The following MYO3B variants were observed in gnomAD, a reference collection of about 807,000 sequenced individuals.
MYO3B encodes myosin-IIIb.
In MYO3B, 156 loss-of-function variants were observed where a neutral mutation model predicts 174.6. That is an observed-to-expected ratio of 0.89 (90% CI 0.78 to 1.02). The LOEUF is 1.02. Among genes scored for constraint, MYO3B ranks in the 50% least tolerant of loss-of-function variants. The probability of loss-of-function intolerance (pLI) is 0.00; values close to 1 mark genes in which losing one functional copy is unlikely to be tolerated. For synonymous variants in MYO3B, 563 were observed against 569.1 expected, an observed-to-expected ratio of 0.99 and a Z score of 0.15; for missense variants, 1,632 against 1,639.4, an observed-to-expected ratio of 1.00 and a Z score of 0.08.
intron 23 of MYO3B, among the ~76,000 whole-genome samples, chr2:170,454,105 G>T (rs955970674): frequency 6.6e-6 from 1 of 152,200 alleles, no homozygotes; most frequent in African/African-American, 2.4e-5. Flanking sequence ...TGGACAGAAG[G>T]CCTTCCAAAT....
At chr2:170,528,621 G>T (rs531895327) in intron 30 of MYO3B, among the ~76,000 whole-genome samples, 1 of 152,228 alleles carries the variant, frequency 6.6e-6, no homozygotes, top group South Asian at 2.1e-4. Flanking sequence ...GGCCAGGATG[G>T]TCTCAATCTC....
chr2:170,486,299 C>CTTTTTTTTT (rs10715918), intron 25 of MYO3B, among the ~76,000 whole-genome samples: 3 of 99,186 alleles, frequency 3.0e-5, no homozygotes, highest in African/African-American at 1.2e-4. Flanking sequence ...AGAATCCATT[C>CTTTTTTTTT]TTTTTTTTTT....
At chr2:170,550,762 T>C (rs2106224606) in intron 32 of MYO3B, among the ~76,000 whole-genome samples, 1 of 152,360 alleles carries the variant, frequency 6.6e-6, no homozygotes, top group African/African-American at 2.4e-5. Context: ...TCTCATTAAA[T>C]TCTCGGGAAG....
intron 7 of MYO3B, among the ~76,000 whole-genome samples, chr2:170,243,811 A>T (rs2093161572): frequency 6.6e-6 from 1 of 152,210 alleles, no homozygotes; most frequent in Non-Finnish European, 1.5e-5. Flanking sequence ...TTGATTGATG[A>T]TTGTATGAGG....
At chr2:170,295,041 T>C (rs2093620688) in intron 7 of MYO3B, among the ~76,000 whole-genome samples, 1 of 152,144 alleles carries the variant, frequency 6.6e-6, no homozygotes, top group Non-Finnish European at 1.5e-5. Context: ...TACAGAACTA[T>C]TATTACTGAT....
chr2:170,564,787 T>C (rs2106262062), intron 32 of MYO3B, among the ~76,000 whole-genome samples: 1 of 152,264 alleles, frequency 6.6e-6, no homozygotes, highest in East Asian at 1.9e-4. Context: ...TAGAATAATA[T>C]GTAACTGTTA....
intron 7 of MYO3B, among the ~76,000 whole-genome samples, chr2:170,266,347 T>C (rs1267259595): frequency 6.6e-6 from 1 of 152,220 alleles, no homozygotes. Flanking sequence ...TAGCTGTATG[T>C]CATTTCTTGG....
intron 25 of MYO3B, among the ~76,000 whole-genome samples, chr2:170,485,446 G>C (rs1028829299): frequency 6.6e-6 from 1 of 151,390 alleles, no homozygotes; most frequent in African/African-American, 2.4e-5. Flanking sequence ...GAGAGAGAGC[G>C]AGTGAGTTAG....
intron 32 of MYO3B, among the ~76,000 whole-genome samples, chr2:170,635,805 A>G (rs1697415709): frequency 6.6e-6 from 1 of 152,204 alleles, no homozygotes; most frequent in South Asian, 2.1e-4. Flanking sequence ...AGATATCCAA[A>G]GGTCTAAAAA....
chr2:170,394,765 A>G (rs988462487), intron 16 of MYO3B, among the ~76,000 whole-genome samples: 1 of 152,242 alleles, frequency 6.6e-6, no homozygotes, highest in Non-Finnish European at 1.5e-5. Context: ...CTGTGGTTCT[A>G]TCTCTGCTGA....
intron 1 of MYO3B, among the ~76,000 whole-genome samples, chr2:170,194,655 C>A (rs1177538317): frequency 6.6e-6 from 1 of 151,962 alleles, no homozygotes; most frequent in African/African-American, 2.4e-5. Context: ...TTGTATTAGT[C>A]AGGGTTCTCT....
At chr2:170,492,239 C>G (rs1429183825) in intron 25 of MYO3B, among the ~76,000 whole-genome samples, 1 of 152,154 alleles carries the variant, frequency 6.6e-6, no homozygotes, top group Non-Finnish European at 1.5e-5. Context: ...GGGCACTGTT[C>G]CTTCTAATCC....
At chr2:170,215,445 T>A (rs950381948) in intron 5 of MYO3B, among the ~76,000 whole-genome samples, 1 of 152,084 alleles carries the variant, frequency 6.6e-6, no homozygotes, top group African/African-American at 2.4e-5. Context: ...CAACAAACCA[T>A]TTGGTTTTTT....
At chr2:170,418,897 G>A (rs955399328) in intron 22 of MYO3B, among the ~76,000 whole-genome samples, 3 of 152,198 alleles carry the variant, frequency 2.0e-5, no homozygotes, top group Non-Finnish European at 1.5e-5. Context: ...CCTTTGTAGG[G>A]GAAAAGGTAA....
intron 7 of MYO3B, among the ~76,000 whole-genome samples, chr2:170,311,395 G>A (rs1001374643): frequency 4.6e-5 from 7 of 150,836 alleles, no homozygotes; most frequent in African/African-American, 1.7e-4. Flanking sequence ...TGTGCTTCTT[G>A]GCTATTTGTA....
At chr2:170,545,823 C>A (rs1690446484) in intron 32 of MYO3B, among the ~76,000 whole-genome samples, 1 of 152,126 alleles carries the variant, frequency 6.6e-6, no homozygotes, top group Non-Finnish European at 1.5e-5. Flanking sequence ...AAGTATTTTT[C>A]CTGCCTCCAT....
chr2:170,570,519 T>A (rs1181086881), intron 32 of MYO3B, among the ~76,000 whole-genome samples: 2 of 152,210 alleles, frequency 1.3e-5, no homozygotes, highest in African/African-American at 4.8e-5. Context: ...CCAGAAAGTT[T>A]GGAGCCAAGA....
chr2:170,595,439 T>C (rs1233663172), intron 32 of MYO3B, among the ~76,000 whole-genome samples: 1 of 152,074 alleles, frequency 6.6e-6, no homozygotes, highest in Non-Finnish European at 1.5e-5. Flanking sequence ...TAAGTGCTTG[T>C]TTTTGTTTTT....
chr2:170,183,396 T>C (rs2092427437), intron 1 of MYO3B, among the ~76,000 whole-genome samples: 1 of 152,234 alleles, frequency 6.6e-6, no homozygotes, highest in Non-Finnish European at 1.5e-5. Context: ...TTTTAAGATT[T>C]TACTTTTATA....
Sources: allele counts gnomAD v4.1 joint callset (sites outside exome capture counted in the v4.1 genomes callset), GRCh38; gene constraint gnomAD v4.1.1; transcripts MANE v1.5; gene names NCBI Gene and HGNC (gene_info 2026-07-23, HGNC 2026-07-21).